Variants in MINDY2 observed in about 807,000 individuals in gnomAD.
MINDY2 encodes the protein ubiquitin carboxyl-terminal hydrolase MINDY-2.
MINDY2 carries 52 observed loss-of-function variants against 68.2 expected under a neutral mutation model. That is an observed-to-expected ratio of 0.76 (90% CI 0.61 to 0.96). The LOEUF is 0.96. MINDY2 is among the 40% of genes least tolerant of loss of function. MINDY2 has a pLI of 0.00. For synonymous variants in MINDY2, 372 were observed against 303.0 expected (o/e 1.23, Z -2.36); for missense variants, 881 against 773.4 (o/e 1.14, Z -1.65).
At chr15:58,792,242 C>T (rs1445799753) in intron 2 of MINDY2, among the ~76,000 whole-genome samples, 1 of 152,164 alleles carries the variant, frequency 6.6e-6, no homozygotes. Context: ...ACAGAATTAC[C>T]GTATGACCAT....
At chr15:58,806,171 T>G (rs1902997491) in intron 3 of MINDY2, among the ~76,000 whole-genome samples, 1 of 152,024 alleles carries the variant, frequency 6.6e-6, no homozygotes, top group Non-Finnish European at 1.5e-5. Context: ...CCTTTCAGGT[T>G]CAAGAGATTC....
intron 7 of MINDY2, among the ~76,000 whole-genome samples, chr15:58,849,557 C>A (rs1213110487): frequency 2.0e-5 from 3 of 152,028 alleles, no homozygotes; most frequent in African/African-American, 7.2e-5. Context: ...TAGATTGTCA[C>A]AGTAGTCCAG....
rs551784179 is a variant in MINDY2 at position 58,806,341 on chromosome 15, G to C, written c.964-3889G>C. On this transcript the variant is annotated intron_variant, in intron 3 of 8. Coordinates refer to ENST00000559228, the MANE Select transcript of MINDY2 (RefSeq NM_001040450.3). ...CACCTGTCTGGCATTACAGGCGTGA[G>C]TCAACGTGCCAACTTTTTTTTTTTT... 2.1e-4 allele frequency among the ~76,000 whole-genome samples: 32 copies of C among 149,998 alleles called. No homozygotes were observed. In the South Asian group the frequency reaches 6.8e-3, roughly 32 times the overall value.
In MINDY2 at chr15:58,782,911, G is replaced by GTTTTTTTTTTTTTTTTTTTTTTTT. The variant is rs1157376592; in HGVS notation, c.841-4992_841-4969dup. ...TCAATATATTTAATTTTTTCTCTCT[G>GTTTTTTTTTTTTTTTTTTTTTTTT]TTTTTTTTTTTTTTTTTTTTTTTTT... On this transcript the variant is annotated intron_variant, in intron 1 of 8. Coordinates refer to ENST00000559228, the MANE Select transcript of MINDY2 (RefSeq NM_001040450.3). Among the ~76,000 whole-genome samples, 6 of 64,470 alleles carry GTTTTTTTTTTTTTTTTTTTTTTTT rather than the reference G, an allele frequency of 9.3e-5. 1 individual carries two copies. Among genetic ancestry groups the GTTTTTTTTTTTTTTTTTTTTTTTT allele is most frequent in the Non-Finnish European group, 7.9e-5 (3 of 37,812 alleles). 42.3% of individuals were successfully genotyped at this position (64,470 alleles called of 152,430 possible).
intron 2 of MINDY2, among the ~76,000 whole-genome samples, chr15:58,795,593 A>G (rs1902228883): frequency 6.6e-6 from 1 of 151,866 alleles, no homozygotes; most frequent in African/African-American, 2.4e-5. Context: ...TTTAGTAGAG[A>G]CAGGGTTTCA....
intron 2 of MINDY2, among the ~76,000 whole-genome samples, chr15:58,791,592 G>A (rs1038163132): frequency 6.0e-5 from 9 of 150,270 alleles, no homozygotes; most frequent in Admixed American, 3.3e-4. Context: ...ACTCTACCCT[G>A]GGCAACAGGG....
Position 58,854,559 on chromosome 15 carries a change from A to C in MINDY2, c.1815A>C (p.Arg605=), listed in dbSNP as rs1487748576. 3 of 1,613,586 alleles carry C rather than the reference A, an allele frequency of 1.9e-6. No individual in the cohort carries two copies. Among genetic ancestry groups the C allele is most frequent in the Non-Finnish European group, 2.5e-6 (3 of 1,179,958 alleles). Residue 605 remains arginine, a synonymous_variant, in exon 9 of 9, where the codon CGA becomes CGC. Transcript: ENST00000559228. ...GNSERKRKEP[R]EKDKEKEKEK... is the part of the protein sequence containing the mutation. ...GTGAACGTAAACGGAAGGAACCACGAGAAAAAGATAAAGAAAAAGAAAAGG... is the reference window on the plus strand; with the variant it reads ...GTGAACGTAAACGGAAGGAACCACGCGAAAAAGATAAAGAAAAAGAAAAGG...
intron 4 of MINDY2, among the ~76,000 whole-genome samples, chr15:58,810,889 C>A (rs1354059781): frequency 6.6e-6 from 1 of 152,202 alleles, no homozygotes; most frequent in Non-Finnish European, 1.5e-5. Context: ...TGAAAATATG[C>A]ATGGAGTGCT....
chr15:58,839,386 C>T lies in MINDY2; in HGVS notation c.1368+7470C>T, dbSNP rs546319880. 1.3e-4 allele frequency among the ~76,000 whole-genome samples: 20 copies of T among 152,172 alleles called. No individual in the cohort carries two copies. The East Asian group carries it at 3.3e-3, about 25-fold the overall frequency. On this transcript the variant is annotated intron_variant, in intron 6 of 8. Transcript: ENST00000559228. The stretch of plus-strand genomic sequence containing the variant: ...TCATTCTGTTGTCCAGGCTGGAGTG[C>T]AGTGGCACAATCTTGGCTCACTGCA...
At chr15:58,823,709 T>G (rs763210960) in intron 5 of MINDY2, among the ~76,000 whole-genome samples, 5 of 151,998 alleles carry the variant, frequency 3.3e-5, no homozygotes, top group Non-Finnish European at 5.9e-5. Context: ...TATAGAGTCG[T>G]TGATCATTGA....
chr15:58,802,586 G>T (rs1902740228), intron 3 of MINDY2, among the ~76,000 whole-genome samples: 1 of 151,694 alleles, frequency 6.6e-6, no homozygotes. Flanking sequence ...TTAGCTCACA[G>T]CCAGATTTTT....
intron 2 of MINDY2, among the ~76,000 whole-genome samples, chr15:58,794,459 G>A (rs1391535714): frequency 6.6e-6 from 1 of 151,658 alleles, no homozygotes; most frequent in East Asian, 1.9e-4. Flanking sequence ...GGTATTGGAA[G>A]AGACATCTCC....
intron 1 of MINDY2, among the ~76,000 whole-genome samples, chr15:58,786,905 C>T (rs1901541460): frequency 6.6e-6 from 1 of 152,204 alleles, no homozygotes; most frequent in South Asian, 2.1e-4. Flanking sequence ...TCTTGGCTCA[C>T]TGCAACCTCT....
At chr15:58,804,269 C>G (rs985029567) in intron 3 of MINDY2, among the ~76,000 whole-genome samples, 3 of 152,118 alleles carry the variant, frequency 2.0e-5, no homozygotes, top group African/African-American at 7.2e-5. Flanking sequence ...CAAATGAAAT[C>G]TCATCCCAGC....
intron 7 of MINDY2, among the ~76,000 whole-genome samples, chr15:58,849,895 C>T (rs670920): frequency 6.6e-6 from 1 of 151,948 alleles, no homozygotes; most frequent in African/African-American, 2.4e-5. Flanking sequence ...TGCCACCACA[C>T]CCGGCTAATT....
chr15:58,855,399 T>G lies in MINDY2; in HGVS notation c.*789T>G, dbSNP rs2033026416. The G allele has an allele frequency of 6.6e-6, 1 of 152,588 alleles. No homozygotes were observed. Among genetic ancestry groups the G allele is most frequent in the African/African-American group, 2.4e-5 (1 of 41,420 alleles). The allele number at this position is 152,588 out of a possible 1,614,324, so 9.5% of individuals were successfully genotyped here. A position where few individuals can be genotyped will look rare whatever the true frequency, so the allele number is the denominator to read the frequency against. ...CCACAGTTACTATTTATTGACAATG[T>G]GATTGAGTGTATGGAGGAAAGCACA... On this transcript the variant is annotated 3_prime_UTR_variant, in exon 9 of 9. Coordinates refer to ENST00000559228, the MANE Select transcript of MINDY2 (RefSeq NM_001040450.3).
chr15:58,788,117 T>TA (rs1159877447), intron 2 of MINDY2, among the ~76,000 whole-genome samples, 154 bp downstream of exon 2: 1 of 152,242 alleles, frequency 6.6e-6, no homozygotes, highest in Non-Finnish European at 1.5e-5. Flanking sequence ...ATCAGTATGT[T>TA]ACTGTTCTTA....
intron 6 of MINDY2, among the ~76,000 whole-genome samples, chr15:58,838,393 A>G (rs1196881221): frequency 2.0e-5 from 3 of 151,906 alleles, no homozygotes; most frequent in African/African-American, 7.3e-5. Flanking sequence ...GCGAGACTCC[A>G]TCTCAAAAAA....
rs181137563 is a variant in MINDY2 at position 58,808,483 on chromosome 15, C to T, written c.964-1747C>T. 7.9e-5 allele frequency among the ~76,000 whole-genome samples: 12 copies of T among 152,206 alleles called. No homozygotes were observed. The East Asian group carries it at 2.1e-3, about 27-fold the overall frequency. Reference sequence around the variant, plus strand: ...ACAGTATGTAGCCTTTTCATATTAGCTTGTTTTCTTTACTACTACGCATTT... The same window carrying T: ...ACAGTATGTAGCCTTTTCATATTAGTTTGTTTTCTTTACTACTACGCATTT... On this transcript the variant is annotated intron_variant, in intron 3 of 8. Coordinates refer to ENST00000559228, the MANE Select transcript of MINDY2 (RefSeq NM_001040450.3).
Sources: gnomAD v4.1 joint callset for allele counts (sites outside exome capture counted in the v4.1 genomes callset) on GRCh38, gnomAD v4.1.1 for gene constraint, MANE v1.5 for transcripts, NCBI Gene and HGNC (gene_info 2026-07-23, HGNC 2026-07-21) for gene names.